The following DLG1 variants were observed in gnomAD, a reference collection of about 807,000 sequenced individuals.
DLG1 encodes disks large homolog 1.
Under a neutral mutation model 123.4 loss-of-function variants are expected in DLG1, and 42 were observed. That is an observed-to-expected ratio of 0.34 (90% confidence interval 0.27 to 0.44). DLG1 has a LOEUF of 0.44. DLG1 is among the 20% of genes least tolerant of loss of function. DLG1 has a pLI of 1.00. For missense variants in DLG1, 942 were observed against 1,082.6 expected (o/e 0.87, Z 1.82); for synonymous variants, 317 against 356.2 (o/e 0.89, Z 1.24).
intron 4 of DLG1, among the ~76,000 whole-genome samples, chr3:197,218,433 A>ATCTATTTT (rs1271395836): frequency 6.6e-6 from 1 of 152,218 alleles, no homozygotes; most frequent in Non-Finnish European, 1.5e-5. Flanking sequence ...GCAAGTGCCA[A>ATCTATTTT]AGACAGCTTA....
chr3:197,181,976 C>T (rs376487215), intron 5 of DLG1, among the ~76,000 whole-genome samples: 34 of 152,262 alleles, frequency 2.2e-4, no homozygotes, highest in African/African-American at 6.0e-4. Flanking sequence ...TACTCCCAAG[C>T]GGCTATAACG....
chr3:197,155,864 G>A (rs890326872), intron 5 of DLG1, among the ~76,000 whole-genome samples: 9 of 152,088 alleles, frequency 5.9e-5, no homozygotes, highest in African/African-American at 1.9e-4. Flanking sequence ...CGGGAGAATC[G>A]ATTGGGCCCA....
intron 4 of DLG1, among the ~76,000 whole-genome samples, chr3:197,214,163 A>C (rs1402975081): frequency 6.6e-6 from 1 of 152,172 alleles, no homozygotes; most frequent in Admixed American, 6.5e-5. Context: ...TTGGGGAAAA[A>C]TATAAGGATT....
chr3:197,187,199 C>T (rs1373338335), intron 5 of DLG1, among the ~76,000 whole-genome samples: 2 of 152,138 alleles, frequency 1.3e-5, no homozygotes, highest in African/African-American at 4.8e-5. Context: ...ACTATATGCT[C>T]ACCTTAGTAT....
intron 5 of DLG1, among the ~76,000 whole-genome samples, chr3:197,178,744 T>C (rs1010103835): frequency 2.0e-5 from 3 of 152,122 alleles, no homozygotes; most frequent in Non-Finnish European, 2.9e-5. Context: ...AAAAAGAATT[T>C]AGAGGAGGGA....
At chr3:197,107,738 T>C (rs1309661787) in intron 13 of DLG1, among the ~76,000 whole-genome samples, 1 of 152,108 alleles carries the variant, frequency 6.6e-6, no homozygotes, top group Non-Finnish European at 1.5e-5. Flanking sequence ...TTTCTTAAGA[T>C]TTTTTCTATA....
intron 5 of DLG1, among the ~76,000 whole-genome samples, chr3:197,179,240 A>G (rs896695438): frequency 3.9e-5 from 6 of 152,218 alleles, no homozygotes; most frequent in Admixed American, 2.0e-4. Context: ...AGTCCTCATG[A>G]TATGTTTGGG....
In DLG1 at chr3:197,043,677, T is replaced by A. The variant is rs1031011854; in HGVS notation, c.*946A>T. The A allele has an allele frequency of 6.6e-6, 1 of 151,340 alleles. No individual in the cohort carries two copies. Among genetic ancestry groups the A allele is most frequent in the African/African-American group, 2.4e-5 (1 of 41,324 alleles). The allele number at this position is 151,340 out of a possible 1,614,324, so 9.4% of individuals were successfully genotyped here. A position where few individuals can be genotyped will look rare whatever the true frequency, so the allele number is the denominator to read the frequency against. ...ATATATATATTTATATATATTTTAT[T>A]ATAACAAAATAGGCAGCTATTGTGG... On this transcript the variant is annotated 3_prime_UTR_variant, in exon 25 of 25. Coordinates refer to ENST00000667157, the MANE Select transcript of DLG1 (RefSeq NM_001366207.1).
chr3:197,112,384 G>A (rs539225557), intron 13 of DLG1, among the ~76,000 whole-genome samples: 2 of 152,234 alleles, frequency 1.3e-5, no homozygotes, highest in Admixed American at 6.5e-5. Context: ...GATGCCTAAT[G>A]TTAAGCACCT....
chr3:197,296,448 C>G lies in DLG1; in HGVS notation c.49G>C (p.Glu17Gln). The G allele has an allele frequency of 6.2e-7, 1 of 1,613,690 alleles. No homozygotes were observed. The highest frequency in any genetic ancestry group is 8.5e-7 in the Non-Finnish European group (1 of 1,179,694). The change falls in exon 3 of 25, where the codon GAA becomes CAA. Residue 17 changes from glutamate to glutamine, a missense_variant. Glu to Gln is a conservative substitution (Grantham distance 29). Coordinates refer to ENST00000667157, the MANE Select transcript of DLG1 (RefSeq NM_001366207.1). ...DTQRALHLLE[E>Q]YRSKLSQTED... ...GTTTGGCTTAGTTTTGAACGATATTCCTCCAAAAGGTGCAATGCTCTCTGG... is the reference window on the plus strand; with the variant it reads ...GTTTGGCTTAGTTTTGAACGATATTGCTCCAAAAGGTGCAATGCTCTCTGG...
At position 197,044,616 on chromosome 3, in the gene DLG1, T is replaced by A. The variant is rs200260261; in HGVS notation, c.*7A>T. ...TGTGGAAAAGAGAAACAGAGAAACA[T>A]GAGTTTTCATAGCTTTTCTTTTGCC... On this transcript the variant is annotated 3_prime_UTR_variant, in exon 25 of 25. Transcript: ENST00000667157. 4.6e-5 allele frequency: 72 copies of A among 1,578,406 alleles called. No homozygotes were observed. In the African/African-American group the frequency reaches 8.8e-4, roughly 19 times the overall value.
intron 4 of DLG1, among the ~76,000 whole-genome samples, chr3:197,222,948 A>G (rs749649134): frequency 1.2e-4 from 18 of 152,244 alleles, no homozygotes; most frequent in Non-Finnish European, 2.4e-4. Context: ...TTCACAAAAT[A>G]TAAGTTTCTG....
chr3:197,081,092 A>G lies in DLG1; in HGVS notation c.1864T>C (p.Leu622=). Residue 622 remains leucine (L), a synonymous_variant, in exon 17 of 25, where the codon TTA becomes CTA. Coordinates refer to ENST00000667157, the MANE Select transcript of DLG1 (RefSeq NM_001366207.1). ...TTAGAATTGAATTTCACTGTTTTTA[A>G]TCGGGCTCGTTCTTTCTTCTCAACT... ...RRVEKKERAR[L]KTVKFNSKTR... 1 of 1,613,432 alleles carries G rather than the reference A, an allele frequency of 6.2e-7. No individual in the cohort carries two copies. The highest frequency in any genetic ancestry group is 8.5e-7 in the Non-Finnish European group (1 of 1,179,620).
intron 4 of DLG1, among the ~76,000 whole-genome samples, chr3:197,274,580 G>C (rs1351472155): frequency 6.6e-6 from 1 of 152,066 alleles, no homozygotes; most frequent in Non-Finnish European, 1.5e-5. Context: ...TATTTTTTAG[G>C]TAATGCTTCA....
intron 5 of DLG1, among the ~76,000 whole-genome samples, chr3:197,159,696 T>C (rs547270130): frequency 6.6e-6 from 1 of 152,322 alleles, no homozygotes; most frequent in African/African-American, 2.4e-5. Context: ...CTTCACTAAT[T>C]AGGAACACAC....
At chr3:197,239,583 C>G (rs1416048648) in intron 4 of DLG1, among the ~76,000 whole-genome samples, 1 of 81,840 alleles carries the variant, frequency 1.2e-5, no homozygotes, top group African/African-American at 4.0e-5. Flanking sequence ...CAATAAAATA[C>G]TAGCAAATCA....
chr3:197,204,070 C>T (rs751734125), intron 4 of DLG1, among the ~76,000 whole-genome samples: 22 of 152,182 alleles, frequency 1.4e-4, no homozygotes, highest in Non-Finnish European at 1.3e-4. Context: ...GCTCAAGAGC[C>T]AAGAGCTTTT....
chr3:197,061,131 T>C (rs1735471671), intron 22 of DLG1, among the ~76,000 whole-genome samples: 1 of 152,236 alleles, frequency 6.6e-6, no homozygotes, highest in Non-Finnish European at 1.5e-5. Flanking sequence ...ACCCAAGGAC[T>C]TGAGTCCAAG....
chr3:197,274,287 T>A (rs541499911), intron 4 of DLG1, among the ~76,000 whole-genome samples: 64 of 151,702 alleles, frequency 4.2e-4, no homozygotes, highest in African/African-American at 1.4e-3. Flanking sequence ...CAGAAATAAA[T>A]CCACACATTT....
Sources: allele counts gnomAD v4.1 joint callset (sites outside exome capture counted in the v4.1 genomes callset), GRCh38; gene constraint gnomAD v4.1.1; transcripts MANE v1.5; gene names NCBI Gene and HGNC (gene_info 2026-07-23, HGNC 2026-07-21).